C8orf34: variants seen among roughly 807,000 people sequenced by gnomAD.
The protein encoded by C8orf34 is uncharacterized protein C8orf34.
In C8orf34, 65 loss-of-function variants were observed where a neutral mutation model predicts 68.3. The observed-to-expected ratio is 0.95, with a 90% CI of 0.78 to 1.17. C8orf34 has a LOEUF of 1.17. C8orf34 is among the 50% of genes most tolerant of loss of function. C8orf34 has a pLI of 0.00. For synonymous variants in C8orf34, 244 were observed against 241.2 expected, an observed-to-expected ratio of 1.01 and a Z score of -0.11; for missense variants, 664 against 655.4, an observed-to-expected ratio of 1.01 and a Z score of -0.14.
At chr8:68,709,177 T>C (rs1205324636) in intron 9 of C8orf34, 98 bp downstream of exon 9, 7 of 852,920 alleles carry the variant, frequency 8.2e-6, no homozygotes, top group South Asian at 6.1e-5. Flanking sequence ...TTGCCTTGCA[T>C]GAATTCACTG....
chr8:68,755,035 A>G (rs1190078117), intron 10 of C8orf34, among the ~76,000 whole-genome samples: 1 of 152,240 alleles, frequency 6.6e-6, no homozygotes, highest in Non-Finnish European at 1.5e-5. Context: ...TTTATAGCAC[A>G]ACTAGGACAC....
chr8:68,639,187 C>A (rs781096620), intron 7 of C8orf34, among the ~76,000 whole-genome samples: 2 of 152,050 alleles, frequency 1.3e-5, no homozygotes, highest in South Asian at 4.2e-4. Context: ...CACCTAGGCT[C>A]TTAAACAAGG....
At chr8:68,420,440 A>T (rs1475296604) in intron 1 of C8orf34, among the ~76,000 whole-genome samples, 1 of 152,164 alleles carries the variant, frequency 6.6e-6, no homozygotes, top group African/African-American at 2.4e-5. Context: ...ATCCACAGGT[A>T]CCAGGCGCTA....
At chr8:68,444,928 C>T (rs1811058573) in intron 2 of C8orf34, among the ~76,000 whole-genome samples, 1 of 151,914 alleles carries the variant, frequency 6.6e-6, no homozygotes, top group African/African-American at 2.4e-5. Context: ...AATTTATAGT[C>T]CAAGAATGGA....
intron 7 of C8orf34, among the ~76,000 whole-genome samples, chr8:68,622,765 T>C (rs1012013487): frequency 6.6e-6 from 1 of 152,058 alleles, no homozygotes; most frequent in Non-Finnish European, 1.5e-5. Context: ...ATAAAAAAGA[T>C]GAGATGCAAA....
intron 7 of C8orf34, among the ~76,000 whole-genome samples, chr8:68,556,294 CT>C (rs201095460): frequency 0.13 from 13,650 of 105,768 alleles, 537 homozygotes; most frequent in African/African-American, 0.18. Flanking sequence ...AGGAGGGAAT[CT>C]TTTTTTTTTT....
intron 1 of C8orf34, chr8:68,438,088 A>G (rs1416731511): frequency 2.0e-5 from 3 of 152,204 alleles, no homozygotes; most frequent in Non-Finnish European, 4.4e-5. Flanking sequence ...ATCTACCTGT[A>G]GTCAATAAAG....
intron 6 of C8orf34, among the ~76,000 whole-genome samples, chr8:68,526,845 C>T (rs142762889): frequency 2.8e-4 from 42 of 152,212 alleles, no homozygotes; most frequent in African/African-American, 9.2e-4. Context: ...AGAAAGAAAG[C>T]GTGAAACTAA....
chr8:68,635,530 C>A (rs866430110), intron 7 of C8orf34, among the ~76,000 whole-genome samples: 1 of 152,168 alleles, frequency 6.6e-6, no homozygotes, highest in African/African-American at 2.4e-5. Flanking sequence ...AACAAACATT[C>A]TTCTTTTACA....
At chr8:68,439,477 G>A (rs971385816) in intron 1 of C8orf34, 22 bp from the exon 2 acceptor site, 1 of 1,605,738 alleles carries the variant, frequency 6.2e-7, no homozygotes, top group South Asian at 1.1e-5. Context: ...AATTATAATT[G>A]TGTGCTCTAT....
At chr8:68,580,741 A>T (rs1817038706) in intron 7 of C8orf34, among the ~76,000 whole-genome samples, 2 of 152,292 alleles carry the variant, frequency 1.3e-5, no homozygotes, top group South Asian at 4.1e-4. Context: ...AAAGTTATTA[A>T]CTTAGTATGA....
chr8:68,622,919 T>G (rs1223902490), intron 7 of C8orf34, among the ~76,000 whole-genome samples: 1 of 152,210 alleles, frequency 6.6e-6, no homozygotes, highest in Non-Finnish European at 1.5e-5. Context: ...TTCGTATATA[T>G]CATTTGTGAT....
chr8:68,533,798 T>C, intron 7 of C8orf34: 6 of 979,442 alleles, frequency 6.1e-6, no homozygotes, highest in Non-Finnish European at 7.3e-6. Flanking sequence ...AACTTCTCTT[T>C]GGAACATCAT....
intron 4 of C8orf34, among the ~76,000 whole-genome samples, chr8:68,479,335 T>A (rs953283220): frequency 6.6e-6 from 1 of 151,886 alleles, no homozygotes; most frequent in Non-Finnish European, 1.5e-5. Flanking sequence ...AAATTTGGAA[T>A]TTTTTCATCA....
intron 5 of C8orf34, among the ~76,000 whole-genome samples, chr8:68,513,494 T>C (rs768758314): frequency 1.3e-5 from 2 of 152,196 alleles, no homozygotes; most frequent in Non-Finnish European, 2.9e-5. Flanking sequence ...GAGGCTTGAT[T>C]TCACAATCAA....
At chr8:68,618,539 A>T (rs563879599) in intron 7 of C8orf34, among the ~76,000 whole-genome samples, 22 of 152,140 alleles carry the variant, frequency 1.4e-4, no homozygotes, top group African/African-American at 5.1e-4. Flanking sequence ...CTGTAGAGAC[A>T]GGGCCTCTCT....
At chr8:68,511,250 G>A (rs1814261759) in intron 5 of C8orf34, among the ~76,000 whole-genome samples, 1 of 152,186 alleles carries the variant, frequency 6.6e-6, no homozygotes, top group African/African-American at 2.4e-5. Context: ...TGCGCCTCGT[G>A]GATGGAGCAA....
chr8:68,331,253 C>G lies in C8orf34; in HGVS notation c.241C>G (p.Arg81Gly), dbSNP rs1222732857. The G allele has an allele frequency of 1.3e-6, 2 of 1,536,356 alleles. No homozygotes were observed. Among genetic ancestry groups the G allele is most frequent in the Non-Finnish European group, 1.7e-6 (2 of 1,146,956 alleles). ...QPRVLPALSSRSHLFPMASHP... is the reference protein window; with the variant it reads ...QPRVLPALSSGSHLFPMASHP... ...GCGCGTTCTCCCTGCACTCTCTTCG[C>G]GGTCCCATCTGTTCCCCATGGCGTC... The change falls in exon 1 of 14, where the codon CGG (arginine) becomes GGG (glycine). Residue 81 changes from arginine to glycine, a missense_variant. Arg to Gly is a moderately radical substitution (Grantham distance 125). Transcript: ENST00000518698.
At chr8:68,749,966 T>C (rs1822654087) in intron 10 of C8orf34, among the ~76,000 whole-genome samples, 1 of 152,196 alleles carries the variant, frequency 6.6e-6, no homozygotes, top group Admixed American at 6.6e-5. Context: ...GGACATGTTT[T>C]TGTTTCTCAT....
Sources: allele counts gnomAD v4.1 joint callset (sites outside exome capture counted in the v4.1 genomes callset), GRCh38; gene constraint gnomAD v4.1.1; transcripts MANE v1.5; gene names NCBI Gene and HGNC (gene_info 2026-07-23, HGNC 2026-07-21).